Variants in ACTA2 observed in about 807,000 individuals in gnomAD.
The protein encoded by ACTA2 is actin alpha 2, smooth muscle.
ACTA2 carries 12 observed loss-of-function variants against 39.5 expected under a neutral mutation model. That is an observed-to-expected ratio of 0.30 (90% CI 0.19 to 0.49). The LOEUF (loss-of-function observed/expected upper bound fraction) is 0.49. Among genes scored for constraint, ACTA2 ranks in the 20% least tolerant of loss-of-function variants. ACTA2 has a pLI of 0.99. For synonymous variants in ACTA2, 158 were observed against 180.6 expected, an observed-to-expected ratio of 0.88 and a Z score of 1.00; for missense variants, 236 against 498.8, an observed-to-expected ratio of 0.47 and a Z score of 5.02.
Position 88,935,277 on chromosome 10 carries a change from G to T in ACTA2, c.1080C>A (p.Ser360Arg). ...GCCCGGCTTCATCGTATTCCTGTTT[G>T]CTGATCCACATCTGCTGGAAGGTGG... ...SLSTFQQMWI[S>R]KQEYDEAGPS... Residue 360 changes from serine to arginine, a missense_variant, in exon 9 of 9, where the codon AGC becomes AGA. Physicochemically the swap from Ser to Arg is moderately radical, Grantham distance 110. Transcript: ENST00000224784. The T allele has an allele frequency of 6.2e-7, 1 of 1,614,000 alleles. No individual in the cohort carries two copies. The highest frequency in any genetic ancestry group is 8.5e-7 in the Non-Finnish European group (1 of 1,179,904).
chr10:88,942,854 C>T (rs1202120099), intron 4 of ACTA2, among the ~76,000 whole-genome samples: 1 of 152,124 alleles, frequency 6.6e-6, no homozygotes, highest in Admixed American at 6.5e-5. Flanking sequence ...CTGTAGAGAA[C>T]AAGTGCTAGT....
At chr10:88,972,842 C>G (rs1315766337) in intron 1 of ACTA2, among the ~76,000 whole-genome samples, 1 of 152,110 alleles carries the variant, frequency 6.6e-6, no homozygotes, top group Non-Finnish European at 1.5e-5. Context: ...ATCTTTTAAT[C>G]TGTTTCTGAT....
At chr10:88,967,649 AAGAC>A (rs1407193481) in intron 1 of ACTA2, among the ~76,000 whole-genome samples, 12 of 152,186 alleles carry the variant, frequency 7.9e-5, no homozygotes, top group Non-Finnish European at 1.6e-4. Flanking sequence ...TGAACTTTCA[AAGAC>A]AGAAGATGAA....
intron 1 of ACTA2, chr10:88,975,059 G>A (rs191191974): frequency 1.3e-5 from 2 of 152,042 alleles, no homozygotes; most frequent in South Asian, 2.1e-4. Flanking sequence ...CATGTAGTTC[G>A]TGCTCCATGC....
In ACTA2 at chr10:88,941,222, G is replaced by A. The variant is rs776191629; in HGVS notation, c.616+7C>T. On this transcript the variant is annotated splice_region_variant and intron_variant, in intron 6 of 8. Transcript: ENST00000224784. ...CCCCTCTCCCCCTTATCTCCCACAG[G>A]CCTCACCAGTAGTAACGAAGGAATA... The A allele has an allele frequency of 6.2e-7, 1 of 1,613,802 alleles. No homozygotes were observed. The highest frequency in any genetic ancestry group is 1.7e-5 in the Admixed American group (1 of 60,010).
chr10:88,951,217 G>C (rs1314833702), intron 1 of ACTA2, among the ~76,000 whole-genome samples: 1 of 152,146 alleles, frequency 6.6e-6, no homozygotes, highest in East Asian at 1.9e-4. Flanking sequence ...AAGAGCCTGG[G>C]GTATCTGTCA....
chr10:88,947,512 A>G (rs1257084731), intron 2 of ACTA2, 126 bp from the exon 3 acceptor site: 11 of 1,413,326 alleles, frequency 7.8e-6, no homozygotes, highest in Non-Finnish European at 9.9e-6. Flanking sequence ...AACAATAAAC[A>G]TATTGAGTCT....
At chr10:88,963,845 C>T (rs959899804) in intron 1 of ACTA2, among the ~76,000 whole-genome samples, 9 of 152,010 alleles carry the variant, frequency 5.9e-5, no homozygotes, top group Non-Finnish European at 1.3e-4. Flanking sequence ...CTATACATTC[C>T]GGCAGGTTTT....
At chr10:88,936,110 C>A (rs541614090) in intron 8 of ACTA2, among the ~76,000 whole-genome samples, 1 of 152,298 alleles carries the variant, frequency 6.6e-6, no homozygotes, top group South Asian at 2.1e-4. Flanking sequence ...CTATGCTAAG[C>A]ATTTTACATG....
At chr10:88,971,025 A>G (rs1846433781) in intron 1 of ACTA2, among the ~76,000 whole-genome samples, 1 of 152,226 alleles carries the variant, frequency 6.6e-6, no homozygotes, top group Non-Finnish European at 1.5e-5. Flanking sequence ...ACTAAGATGT[A>G]AAGGCAAACC....
chr10:88,947,602 TG>T (rs1466565538), intron 2 of ACTA2, among the ~76,000 whole-genome samples: 1 of 152,176 alleles, frequency 6.6e-6, no homozygotes, highest in Admixed American at 6.5e-5. Context: ...CAGGAGATGT[TG>T]GGGGAAAGTC....
intron 1 of ACTA2, among the ~76,000 whole-genome samples, chr10:88,964,175 G>A (rs2133306336): frequency 6.6e-6 from 1 of 151,760 alleles, no homozygotes; most frequent in South Asian, 2.1e-4. Flanking sequence ...TGTATGGGAG[G>A]AAAAAAGAAT....
At chr10:88,983,609 C>CAAAAAA (rs71022549) in intron 1 of ACTA2, among the ~76,000 whole-genome samples, 4 of 46,456 alleles carry the variant, frequency 8.6e-5, no homozygotes, top group Non-Finnish European at 1.1e-4. Flanking sequence ...ACAGGTTATG[C>CAAAAAA]AAAAAAAAAA....
Position 88,948,825 on chromosome 10 carries a change from T to A in ACTA2, c.106A>T (p.Ile36Phe). 6.2e-7 allele frequency: 1 copy of A among 1,613,894 alleles called. No individual in the cohort carries two copies. Among genetic ancestry groups the A allele is most frequent in the Non-Finnish European group, 8.5e-7 (1 of 1,179,880 alleles). ...DDAPRAVFPS[I>F]VGRPRHQGVM... ...ACCTGATGTCTGGGACGTCCCACAA[T>A]GGATGGGAAAACAGCCCTGGGAGCA... The change falls in exon 2 of 9, where the codon ATT becomes TTT. Residue 36 changes from isoleucine (I) to phenylalanine (F), a missense_variant. Coordinates refer to ENST00000224784, the MANE Select transcript of ACTA2 (RefSeq NM_001613.4).
intron 1 of ACTA2, among the ~76,000 whole-genome samples, chr10:88,963,937 G>C (rs773471719): frequency 6.6e-6 from 1 of 152,044 alleles, no homozygotes; most frequent in Non-Finnish European, 1.5e-5. Flanking sequence ...AGACTAAAAG[G>C]CTCTTTCCTA....
rs1482943621 is a variant in ACTA2, at chr10:88,947,375, C to T, written c.141G>A (p.Val47=). 6.2e-7 allele frequency: 1 copy of T among 1,613,946 alleles called. No homozygotes were observed. The highest frequency in any genetic ancestry group is 1.7e-5 in the Admixed American group (1 of 60,018). ...VGRPRHQGVM[V]GMGQKDSYVG... ...CGTAGCTGTCTTTTTGTCCCATTCC[C>T]ACCATCACCCCCTAAAAAGGTTCAA... Residue 47 remains valine (V), a synonymous_variant, in exon 3 of 9, where the codon GTG becomes GTA. Transcript: ENST00000224784.
At chr10:88,986,597 TCTTAGG>T (rs1272832350) in intron 1 of ACTA2, among the ~76,000 whole-genome samples, 1 of 152,182 alleles carries the variant, frequency 6.6e-6, no homozygotes, top group Non-Finnish European at 1.5e-5. Flanking sequence ...AGGACACTTT[TCTTAGG>T]CTTCAGGAAT....
chr10:88,939,966 G>C, intron 6 of ACTA2: 1 of 503,810 alleles, frequency 2.0e-6, no homozygotes. Flanking sequence ...GAGCTAGCTA[G>C]AGAAAGGCAC....
intron 1 of ACTA2, among the ~76,000 whole-genome samples, chr10:88,979,673 T>C (rs956997260): frequency 3.3e-5 from 5 of 152,120 alleles, no homozygotes; most frequent in Admixed American, 3.3e-4. Context: ...ATAAATGCCA[T>C]GGTTTTGATC....
Sources: gnomAD v4.1 joint callset for allele counts (sites outside exome capture counted in the v4.1 genomes callset) on GRCh38, gnomAD v4.1.1 for gene constraint, MANE v1.5 for transcripts, NCBI Gene and HGNC (gene_info 2026-07-23, HGNC 2026-07-21) for gene names.